The following SMO variants were observed in gnomAD, a reference collection of about 807,000 sequenced individuals.
SMO encodes the protein smoothened, frizzled class receptor, also known as protein smoothened.
Under a neutral mutation model 81.6 loss-of-function variants are expected in SMO, and 40 were observed. The observed-to-expected ratio is 0.49, with a 90% CI of 0.38 to 0.64. The LOEUF (loss-of-function observed/expected upper bound fraction) is 0.64. SMO is among the 30% of genes least tolerant of loss of function. SMO has a pLI of 0.00. For synonymous variants in SMO, 434 were observed against 432.1 expected, an observed-to-expected ratio of 1.00 and a Z score of -0.05; for missense variants, 916 against 1,061.1, an observed-to-expected ratio of 0.86 and a Z score of 1.90.
Position 129,210,964 on chromosome 7 carries a change from G to T in SMO, c.1653-1G>T, listed in dbSNP as rs2150654521. The T allele has an allele frequency of 6.2e-7, 1 of 1,604,292 alleles. No individual in the cohort carries two copies. The highest frequency in any genetic ancestry group is 8.5e-7 in the Non-Finnish European group (1 of 1,175,118). Reference sequence around the variant, plus strand: ...TCCTTCCCTATCCCTTCTGCTCTCAGGTTGACTGGGCAGAGTGACGATGAG... The same window carrying T: ...TCCTTCCCTATCCCTTCTGCTCTCATGTTGACTGGGCAGAGTGACGATGAG... On this transcript the variant is annotated splice_acceptor_variant, in intron 9 of 11. Coordinates refer to ENST00000249373, the MANE Select transcript of SMO (RefSeq NM_005631.5). LOFTEE classifies it high-confidence loss of function. The surrounding 1 kb of genome is among the most constrained non-coding windows in gnomAD (Gnocchi z 4.7).
At position 129,211,979 on chromosome 7, in the gene SMO, G is replaced by A. The variant is rs1275939639; in HGVS notation, c.1937-45G>A. ...CTCCCAGGGGAGCGGGGGTGGCATG[G>A]ACAGAGCCAGGGCCCCAGGCTCGTG... On this transcript the variant is annotated intron_variant, in intron 11 of 11. Transcript: ENST00000249373. This position sits in a 1 kb window ranked among gnomAD's most constrained non-coding sequence, Gnocchi z 4.6. 1 of 1,532,718 alleles carries A rather than the reference G, an allele frequency of 6.5e-7. No individual in the cohort carries two copies. Among genetic ancestry groups the A allele is most frequent in the Non-Finnish European group, 8.7e-7 (1 of 1,143,518 alleles). 94.9% of individuals were successfully genotyped at this position (1,532,718 alleles called of 1,614,324 possible). A position where few individuals can be genotyped will look rare whatever the true frequency, so the allele number is the denominator to read the frequency against.
rs56294158 is a variant in SMO, at chr7:129,210,681, C to T, written c.1652+133C>T. 2.0e-4 allele frequency: 163 copies of T among 798,150 alleles called. No individual in the cohort carries two copies. The East Asian group carries it at 4.1e-3, about 20-fold the overall frequency. The allele number at this position is 798,150 out of a possible 1,614,324, so 49.4% of individuals were successfully genotyped here. A position where few individuals can be genotyped will look rare whatever the true frequency, so the allele number is the denominator to read the frequency against. ...GTTCACCGCTGCCCCCTGGTGGCAC[C>T]TTCTGTCCTTGGGTGGCCTGATGCC... On this transcript the variant is annotated intron_variant, in intron 9 of 11. Transcript: ENST00000249373. This position sits in a 1 kb window ranked among gnomAD's most constrained non-coding sequence, Gnocchi z 4.7.
chr7:129,212,522 C>A lies in SMO; in HGVS notation c.*71C>A, dbSNP rs1793894760. ...TTCAAGGCTCTTCTTCCTCACCGAG[C>A]ATGCTTCCCTAGGATCCCGTCTTCC... On this transcript the variant is annotated 3_prime_UTR_variant, in exon 12 of 12. Coordinates refer to ENST00000249373, the MANE Select transcript of SMO (RefSeq NM_005631.5). This position sits in a 1 kb window ranked among gnomAD's most constrained non-coding sequence, Gnocchi z 5.0. 1.4e-6 allele frequency: 2 copies of A among 1,437,082 alleles called. No individual in the cohort carries two copies. The highest frequency in any genetic ancestry group is 9.5e-7 in the Non-Finnish European group (1 of 1,054,438). 89.0% of individuals were successfully genotyped at this position (1,437,082 alleles called of 1,614,324 possible). A position where few individuals can be genotyped will look rare whatever the true frequency, so the allele number is the denominator to read the frequency against.
Position 129,210,846 on chromosome 7 carries a change from A to G in SMO, c.1653-119A>G, listed in dbSNP as rs1584665405. 8.9e-7 allele frequency: 1 copy of G among 1,126,764 alleles called. No individual in the cohort carries two copies. Among genetic ancestry groups the G allele is most frequent in the East Asian group, 2.5e-5 (1 of 40,478 alleles). 69.8% of individuals were successfully genotyped at this position (1,126,764 alleles called of 1,614,324 possible). A position where few individuals can be genotyped will look rare whatever the true frequency, so the allele number is the denominator to read the frequency against. On this transcript the variant is annotated intron_variant, in intron 9 of 11. Transcript: ENST00000249373. This position sits in a 1 kb window ranked among gnomAD's most constrained non-coding sequence, Gnocchi z 4.7. Reference sequence around the variant, plus strand: ...AAGGCCTCTACTCCTGAGTCCTTGAAGGACTTGAGGCCCTTGGGAGCCTCC... The same window carrying G: ...AAGGCCTCTACTCCTGAGTCCTTGAGGGACTTGAGGCCCTTGGGAGCCTCC...
Position 129,210,462 on chromosome 7 carries a change from G to C in SMO, c.1566G>C (p.Leu522=), listed in dbSNP as rs1480787182. ...GCCTTCTGGTGGAGAAGATCAACCT[G>C]TTTGCCATGTTTGGAACTGGCATCG... ...RPSLLVEKIN[L]FAMFGTGIAM... Residue 522 remains leucine, a synonymous_variant, in exon 9 of 12, where the codon CTG becomes CTC. Transcript: ENST00000249373. This position sits in a 1 kb window ranked among gnomAD's most constrained non-coding sequence, Gnocchi z 4.7. The C allele has an allele frequency of 4.3e-6, 7 of 1,614,154 alleles. No homozygotes were observed. The highest frequency in any genetic ancestry group is 5.9e-6 in the Non-Finnish European group (7 of 1,180,002).
Position 129,205,537 on chromosome 7 carries a change from G to A in SMO, c.748-73G>A, listed in dbSNP as rs185413920. ...GGAAGGGTCATGATCAGAAGGGTCTGGGGCTCAGTTAAGGGTGTCTGTGTC... is the reference window on the plus strand; with the variant it reads ...GGAAGGGTCATGATCAGAAGGGTCTAGGGCTCAGTTAAGGGTGTCTGTGTC... On this transcript the variant is annotated intron_variant, in intron 3 of 11. Transcript: ENST00000249373. 264 of 1,531,624 alleles carry A rather than the reference G, an allele frequency of 1.7e-4. 1 individual carries two copies. The highest frequency in any genetic ancestry group is 1.5e-3 in the South Asian group (132 of 87,878). 94.9% of individuals were successfully genotyped at this position (1,531,624 alleles called of 1,614,324 possible).
intron 1 of SMO, among the ~76,000 whole-genome samples, chr7:129,202,186 C>T (rs1298128383): frequency 6.6e-6 from 1 of 152,216 alleles, no homozygotes; most frequent in Non-Finnish European, 1.5e-5. Flanking sequence ...CATTATATCA[C>T]TTTTCACAGC....
chr7:129,211,245 C>T lies in SMO; in HGVS notation c.1801+132C>T, dbSNP rs768521167. 2.2e-5 allele frequency: 21 copies of T among 965,166 alleles called. No homozygotes were observed. The highest frequency in any genetic ancestry group is 3.2e-5 in the Non-Finnish European group (20 of 627,582). The allele number at this position is 965,166 out of a possible 1,614,324, so 59.8% of individuals were successfully genotyped here. On this transcript the variant is annotated intron_variant, in intron 10 of 11. Transcript: ENST00000249373. This position sits in a 1 kb window ranked among gnomAD's most constrained non-coding sequence, Gnocchi z 4.6. ...GAGGAGCAAGGCGCTCCCTCCATCGCTCACACACCCATTCTTCCCCCGGCC... is the reference window on the plus strand; with the variant it reads ...GAGGAGCAAGGCGCTCCCTCCATCGTTCACACACCCATTCTTCCCCCGGCC...
rs558603954 is a variant in SMO, at chr7:129,192,527, G to A, written c.331+3045G>A. Among the ~76,000 whole-genome samples, 8 of 152,338 alleles carry A rather than the reference G, an allele frequency of 5.3e-5. No individual in the cohort carries two copies. In the East Asian group the frequency reaches 1.5e-3, roughly 29 times the overall value. ...TGAAGAAGCCATAGGAGCAGGGAAA[G>A]CCTGGAGCCTGGCTTCTTGACCAGG... On this transcript the variant is annotated intron_variant, in intron 1 of 11. Coordinates refer to ENST00000249373, the MANE Select transcript of SMO (RefSeq NM_005631.5).
rs147090883 is a variant in SMO at position 129,212,353 on chromosome 7, G to A, written c.2266G>A (p.Val756Met). ...DPFLPSAPAP[V>M]AWAHGRRQGL... ...ATTTCTGCCCAGTGCACCGGCCCCC[G>A]TGGCATGGGCTCATGGCCGCCGACA... is the stretch of plus-strand genomic sequence containing the variant. The change falls in exon 12 of 12, where the codon GTG (valine) becomes ATG (methionine). Residue 756 changes from valine to methionine, a missense_variant. This residue lies in a region of SMO where 324 missense variants were observed against 312.9 expected (regional missense o/e 1.04). Coordinates refer to ENST00000249373, the MANE Select transcript of SMO (RefSeq NM_005631.5). The surrounding 1 kb of genome is among the most constrained non-coding windows in gnomAD (Gnocchi z 5.0). 67 of 1,613,984 alleles carry A rather than the reference G, an allele frequency of 4.2e-5. No homozygotes were observed. The highest frequency in any genetic ancestry group is 5.0e-5 in the Admixed American group (3 of 60,004).
intron 1 of SMO, among the ~76,000 whole-genome samples, chr7:129,197,856 G>T (rs1400451635): frequency 1.3e-5 from 2 of 152,022 alleles, no homozygotes; most frequent in African/African-American, 4.8e-5. Flanking sequence ...TACTCAACTT[G>T]ACTAGTCATC....
intron 1 of SMO, among the ~76,000 whole-genome samples, chr7:129,191,907 T>C (rs1793487143): frequency 6.6e-6 from 1 of 152,214 alleles, no homozygotes; most frequent in Non-Finnish European, 1.5e-5. Context: ...GGATGAAGAA[T>C]ACAGATATGA....
In SMO at chr7:129,208,709, A is replaced by G. The variant is rs1208507380; in HGVS notation, c.1265-50A>G. 4 of 1,215,842 alleles carry G rather than the reference A, an allele frequency of 3.3e-6. No homozygotes were observed. The highest frequency in any genetic ancestry group is 3.7e-6 in the Non-Finnish European group (3 of 821,426). The allele number at this position is 1,215,842 out of a possible 1,614,324, so 75.3% of individuals were successfully genotyped here. On this transcript the variant is annotated intron_variant, in intron 6 of 11. Transcript: ENST00000249373. This position sits in a 1 kb window ranked among gnomAD's most constrained non-coding sequence, Gnocchi z 5.2. ...CTCCTCCCACTCACCCATCCTTCCC[A>G]GCAGGGCAGCCTCACCCCTGCTAAT... is the stretch of plus-strand genomic sequence containing the variant.
In SMO at chr7:129,208,881, G is replaced by A. The variant is rs1793816827; in HGVS notation, c.1357+30G>A. 1 of 1,508,162 alleles carries A rather than the reference G, an allele frequency of 6.6e-7. No individual in the cohort carries two copies. Among genetic ancestry groups the A allele is most frequent in the Non-Finnish European group, 9.2e-7 (1 of 1,086,402 alleles). The allele number at this position is 1,508,162 out of a possible 1,614,324, so 93.4% of individuals were successfully genotyped here. A position where few individuals can be genotyped will look rare whatever the true frequency, so the allele number is the denominator to read the frequency against. On this transcript the variant is annotated intron_variant, in intron 7 of 11. Transcript: ENST00000249373. The surrounding 1 kb of genome is among the most constrained non-coding windows in gnomAD (Gnocchi z 5.2). ...GTGGCCCCGGGGGACTTCGGTCTGA[G>A]GTCCTGGCCAGCCCAACACTGCACC...
chr7:129,200,360 G>T (rs146275205), intron 1 of SMO, among the ~76,000 whole-genome samples: 161 of 152,138 alleles, frequency 1.1e-3, no homozygotes, highest in Middle Eastern at 3.4e-3. Flanking sequence ...GGCGGAGCTC[G>T]CAGTGAGCCG....
rs952219922 is a variant in SMO, at chr7:129,212,097, C to T, written c.2010C>T (p.Gly670=). 6.3e-7 allele frequency: 1 copy of T among 1,579,218 alleles called. No homozygotes were observed. The highest frequency in any genetic ancestry group is 8.6e-7 in the Non-Finnish European group (1 of 1,165,706). Residue 670 remains glycine, a synonymous_variant, in exon 12 of 12, where the codon GGC becomes GGT. Coordinates refer to ENST00000249373, the MANE Select transcript of SMO (RefSeq NM_005631.5). The surrounding 1 kb of genome is among the most constrained non-coding windows in gnomAD (Gnocchi z 5.0). ...EISPELQKRL[G]RKKKRRKRKK... is the part of the protein sequence containing the mutation. Reference sequence around the variant, plus strand: ...CCCCAGAGCTGCAGAAGCGCCTGGGCCGGAAGAAGAAGAGGAGGAAGAGGA... The same window carrying T: ...CCCCAGAGCTGCAGAAGCGCCTGGGTCGGAAGAAGAAGAGGAGGAAGAGGA...
rs148583945 is a variant in SMO at position 129,205,256 on chromosome 7, G to A, written c.591G>A (p.Leu197=). 8.5e-5 allele frequency: 138 copies of A among 1,614,246 alleles called. No individual in the cohort carries two copies. The African/African-American group carries it at 1.6e-3, about 19-fold the overall frequency. The stretch of plus-strand genomic sequence containing the variant: ...GTTCAGGCCAGTGCGAAGTGCCCTT[G>A]GTTCGGACAGACAACCCCAAGAGCT... ...FNSSGQCEVP[L]VRTDNPKSWY... is the part of the protein sequence containing the mutation. Residue 197 remains leucine, a synonymous_variant, in exon 3 of 12, where the codon TTG becomes TTA. Transcript: ENST00000249373.
At chr7:129,190,104 C>T (rs1793460399) in intron 1 of SMO, among the ~76,000 whole-genome samples, 1 of 152,192 alleles carries the variant, frequency 6.6e-6, no homozygotes, top group South Asian at 2.1e-4. Flanking sequence ...GTTTGTGCAT[C>T]TGAAAAACCG....
chr7:129,212,812 G>T lies in SMO; in HGVS notation c.*361G>T, dbSNP rs1793901081. 5.8e-6 allele frequency: 2 copies of T among 346,926 alleles called. No individual in the cohort carries two copies. The highest frequency in any genetic ancestry group is 4.1e-5 in the African/African-American group (2 of 48,434). 21.5% of individuals were successfully genotyped at this position (346,926 alleles called of 1,614,324 possible). A position where few individuals can be genotyped will look rare whatever the true frequency, so the allele number is the denominator to read the frequency against. ...ACAGTTCCCAGAGTGGGCTTTGGTG[G>T]CCAGGGAGGCAGCCTAGCCTATGTC... On this transcript the variant is annotated 3_prime_UTR_variant, in exon 12 of 12. Coordinates refer to ENST00000249373, the MANE Select transcript of SMO (RefSeq NM_005631.5). This position sits in a 1 kb window ranked among gnomAD's most constrained non-coding sequence, Gnocchi z 5.0.
Sources: allele counts gnomAD v4.1 joint callset (sites outside exome capture counted in the v4.1 genomes callset), GRCh38; gene constraint gnomAD v4.1.1; regional missense constraint gnomAD v4.1.1; non-coding constraint Gnocchi (gnomAD v3.1); transcripts MANE v1.5; gene names NCBI Gene and HGNC (gene_info 2026-07-23, HGNC 2026-07-21).